GPC4: variants seen among roughly 807,000 people sequenced by gnomAD.
The protein encoded by GPC4 is glypican 4.
Under a neutral mutation model 35.0 loss-of-function variants are expected in GPC4, and 10 were observed. That is an observed-to-expected ratio of 0.29 (90% CI 0.18 to 0.48). GPC4 has a LOEUF of 0.48. GPC4 is among the 20% of genes least tolerant of loss of function. The pLI, the probability that GPC4 is intolerant of heterozygous loss-of-function variation, is 0.99. For missense variants in GPC4, 322 were observed against 451.3 expected, an observed-to-expected ratio of 0.71 and a Z score of 2.60; for synonymous variants, 167 against 170.2, an observed-to-expected ratio of 0.98 and a Z score of 0.15.
At chrX:133,370,802 CA>C (rs1354178360) in intron 1 of GPC4, among the ~76,000 whole-genome samples, 5 of 111,411 alleles carry the variant, frequency 4.5e-5, no homozygotes, top group Non-Finnish European at 7.5e-5. Flanking sequence ...AACTGCTAAC[CA>C]AAAGAGATGT....
At chrX:133,308,817 T>C (rs1204637145) in intron 4 of GPC4, among the ~76,000 whole-genome samples, 3 of 110,931 alleles carry the variant, frequency 2.7e-5, no homozygotes, top group Non-Finnish European at 3.8e-5. Context: ...TTTTGCATTG[T>C]GCTGCCAATA....
At position 133,311,442 on chromosome X, in the gene GPC4, A is replaced by G; in HGVS notation, c.712-19T>C. The stretch of plus-strand genomic sequence containing the variant: ...GGTTTACCTAATGTGTGAAAAGAAA[A>G]AAAGACAGTAGTGGCGGGGCTAAAA... On this transcript the variant is annotated intron_variant, in intron 3 of 8. Transcript: ENST00000370828. 8.3e-7 allele frequency: 1 copy of G among 1,203,477 alleles called. No homozygotes were observed. The highest frequency in any genetic ancestry group is 1.1e-6 in the Non-Finnish European group (1 of 888,710).
intron 3 of GPC4, among the ~76,000 whole-genome samples, chrX:133,321,634 T>C (rs1439621813): frequency 2.7e-5 from 3 of 112,288 alleles, no homozygotes; most frequent in Non-Finnish European, 5.6e-5. Flanking sequence ...TGAGGAATTG[T>C]TGAAGGAGGG....
At chrX:133,408,504 C>G (rs1166528381) in intron 1 of GPC4, among the ~76,000 whole-genome samples, 1 of 110,344 alleles carries the variant, frequency 9.1e-6, no homozygotes, top group Non-Finnish European at 1.9e-5. Context: ...TTTGGGAGGC[C>G]GAGGTGGATC....
At chrX:133,360,543 A>G (rs915630212) in intron 1 of GPC4, among the ~76,000 whole-genome samples, 2 of 111,066 alleles carry the variant, frequency 1.8e-5, no homozygotes, top group Non-Finnish European at 1.9e-5. Flanking sequence ...CGAAAAAAAA[A>G]AAGAAGAAGA....
At chrX:133,318,809 G>A (rs2068350786) in intron 3 of GPC4, among the ~76,000 whole-genome samples, 1 of 111,804 alleles carries the variant, frequency 8.9e-6, no homozygotes, top group African/African-American at 3.3e-5. Flanking sequence ...TGTGTAGTAC[G>A]AGGGTACTCT....
intron 1 of GPC4, among the ~76,000 whole-genome samples, chrX:133,346,813 T>A (rs1382961304): frequency 9.0e-6 from 1 of 111,497 alleles, no homozygotes; most frequent in African/African-American, 3.3e-5. Context: ...TCCACATTTA[T>A]ATAAAATGTC....
chrX:133,306,089 T>C lies in GPC4; in HGVS notation c.943A>G (p.Ile315Val). ...ATAGCATCAGAAATCTTCACATCGATGGGATCCATGACCGATTCAATGTTG... is the reference window on the plus strand; with the variant it reads ...ATAGCATCAGAAATCTTCACATCGACGGGATCCATGACCGATTCAATGTTG... ...PFNIESVMDP[I>V]DVKISDAIMN... is the part of the protein sequence containing the mutation. The change falls in exon 5 of 9, where the codon ATC becomes GTC. Residue 315 changes from isoleucine (I) to valine (V), a missense_variant. Physicochemically the swap from Ile to Val is conservative, Grantham distance 29. This residue lies in a region of GPC4 where 163 missense variants were observed against 277.2 expected (regional missense o/e 0.59). Transcript: ENST00000370828. 1 of 1,210,542 alleles carries C rather than the reference T, an allele frequency of 8.3e-7. No individual in the cohort carries two copies. Among genetic ancestry groups the C allele is most frequent in the Non-Finnish European group, 1.1e-6 (1 of 894,535 alleles).
intron 1 of GPC4, among the ~76,000 whole-genome samples, chrX:133,344,200 T>TG (rs2068480816): frequency 1.7e-4 from 1 of 5,849 alleles, no homozygotes; most frequent in Non-Finnish European, 2.5e-4. Context: ...GGTTTTTTTT[T>TG]TTTTTTTTTT....
intron 1 of GPC4, among the ~76,000 whole-genome samples, chrX:133,356,900 T>C (rs2068543898): frequency 9.0e-6 from 1 of 111,111 alleles, no homozygotes; most frequent in South Asian, 3.8e-4. Flanking sequence ...GTCTGGAGCA[T>C]GATTTACTAT....
intron 1 of GPC4, among the ~76,000 whole-genome samples, chrX:133,347,211 T>C (rs1286410245): frequency 1.0e-5 from 1 of 97,515 alleles, no homozygotes; most frequent in Non-Finnish European, 2.0e-5. Context: ...TGTGCTATCT[T>C]CCCAACTTCT....
intron 1 of GPC4, among the ~76,000 whole-genome samples, chrX:133,376,869 T>C (rs190681594): frequency 6.3e-5 from 7 of 111,816 alleles, no homozygotes; most frequent in Admixed American, 5.7e-4. Flanking sequence ...ACCGGGCAGA[T>C]AGTCAATGTC....
chrX:133,383,025 A>G (rs934216925), intron 1 of GPC4, among the ~76,000 whole-genome samples: 1 of 111,995 alleles, frequency 8.9e-6, no homozygotes, highest in African/African-American at 3.2e-5. Context: ...CCCTTATCAT[A>G]TGATCTAGCA....
intron 3 of GPC4, among the ~76,000 whole-genome samples, chrX:133,320,732 A>G (rs2068361402): frequency 9.1e-6 from 1 of 109,745 alleles, no homozygotes; most frequent in Non-Finnish European, 1.9e-5. Context: ...CAAAAGCAAC[A>G]TCAGAAAGTG....
intron 1 of GPC4, among the ~76,000 whole-genome samples, chrX:133,371,626 A>G (rs1395677179): frequency 9.0e-6 from 1 of 111,721 alleles, no homozygotes; most frequent in Non-Finnish European, 1.9e-5. Flanking sequence ...TTTATACACA[A>G]AATTTGTCCT....
chrX:133,323,340 C>T (rs756707861), intron 3 of GPC4, among the ~76,000 whole-genome samples: 1 of 111,342 alleles, frequency 9.0e-6, no homozygotes, highest in South Asian at 3.8e-4. Flanking sequence ...ATTAGCCAGG[C>T]GTGCTGGCAC....
At chrX:133,305,202 T>C (rs2068285580) in intron 6 of GPC4, among the ~76,000 whole-genome samples, 2 of 111,816 alleles carry the variant, frequency 1.8e-5, no homozygotes, top group Admixed American at 9.5e-5. Context: ...AGCATGTATA[T>C]TATGCACTCT....
At chrX:133,380,477 A>G (rs1192456608) in intron 1 of GPC4, among the ~76,000 whole-genome samples, 2 of 110,007 alleles carry the variant, frequency 1.8e-5, no homozygotes, top group African/African-American at 6.6e-5. Context: ...CTCTGAATCC[A>G]AAGCGTCTTT....
intron 3 of GPC4, among the ~76,000 whole-genome samples, chrX:133,313,971 G>C (rs185728073): frequency 8.9e-6 from 1 of 112,074 alleles, no homozygotes; most frequent in East Asian, 2.8e-4. Flanking sequence ...TCACTGAATA[G>C]CACGTGGCAT....
Sources: gnomAD v4.1 joint callset for allele counts (sites outside exome capture counted in the v4.1 genomes callset) on GRCh38, gnomAD v4.1.1 for gene constraint, gnomAD v4.1.1 regional missense constraint, MANE v1.5 for transcripts, NCBI Gene and HGNC (gene_info 2026-07-23, HGNC 2026-07-21) for gene names.